Variants in PLEKHA7 observed in about 807,000 individuals in gnomAD.
The protein encoded by PLEKHA7 is pleckstrin homology domain containing A7.
A neutral mutation model predicts 170.0 loss-of-function variants in PLEKHA7; 104 were observed. The observed-to-expected ratio is 0.61, with a 90% CI of 0.52 to 0.72. The LOEUF (loss-of-function observed/expected upper bound fraction) is 0.72. Ranked by LOEUF, PLEKHA7 falls within the 30% of genes least tolerant of loss-of-function variation. The pLI is 0.00. For missense variants in PLEKHA7, 1,615 were observed against 1,671.7 expected, an observed-to-expected ratio of 0.97 and a Z score of 0.59; for synonymous variants, 648 against 660.8, an observed-to-expected ratio of 0.98 and a Z score of 0.30.
intron 3 of PLEKHA7, among the ~76,000 whole-genome samples, chr11:16,902,738 C>T (rs1857418556): frequency 6.6e-6 from 1 of 152,206 alleles, no homozygotes; most frequent in Non-Finnish European, 1.5e-5. Flanking sequence ...CTAGGCAAGT[C>T]ATTTAACTTT....
chr11:16,792,471 G>A (rs1399096694), intron 19 of PLEKHA7, among the ~76,000 whole-genome samples: 1 of 150,360 alleles, frequency 6.7e-6, no homozygotes, highest in African/African-American at 2.4e-5. Context: ...ACACAAAATA[G>A]TATATAGAAT....
At chr11:16,941,826 T>C (rs1357139766) in intron 3 of PLEKHA7, among the ~76,000 whole-genome samples, 1 of 152,154 alleles carries the variant, frequency 6.6e-6, no homozygotes, top group African/African-American at 2.4e-5. Context: ...ATACATAAAG[T>C]AAAGCAGCAT....
intron 3 of PLEKHA7, among the ~76,000 whole-genome samples, chr11:16,971,855 G>A (rs555595204): frequency 1.3e-5 from 2 of 151,302 alleles, no homozygotes; most frequent in East Asian, 1.9e-4. Context: ...ACAGGGCCTC[G>A]CTCTGTCCTC....
intron 13 of PLEKHA7, among the ~76,000 whole-genome samples, chr11:16,806,121 C>T (rs953662159): frequency 5.9e-5 from 9 of 152,150 alleles, no homozygotes; most frequent in South Asian, 4.1e-4. Flanking sequence ...TGAAGAAATT[C>T]GGGCAATGTT....
At chr11:16,871,670 C>T (rs550756420) in intron 3 of PLEKHA7, among the ~76,000 whole-genome samples, 1 of 152,318 alleles carries the variant, frequency 6.6e-6, no homozygotes, top group South Asian at 2.1e-4. Context: ...AATGTCTTCA[C>T]TTCAGTGATG....
In PLEKHA7 at chr11:17,013,979, A is replaced by G. The variant is rs1865499854; in HGVS notation, c.221+10T>C. The G allele has an allele frequency of 6.5e-7, 1 of 1,532,296 alleles. No individual in the cohort carries two copies. The highest frequency in any genetic ancestry group is 2.0e-5 in the Admixed American group (1 of 49,938). The allele number at this position is 1,532,296 out of a possible 1,614,324, so 94.9% of individuals were successfully genotyped here. A position where few individuals can be genotyped will look rare whatever the true frequency, so the allele number is the denominator to read the frequency against. On this transcript the variant is annotated intron_variant, in intron 3 of 26. Transcript: ENST00000531066. ...GCACAGGTGCGAGCGCGGCGGCCCCACTCACTCACTCGATGAAGTAGCTGG... is the reference window on the plus strand; with the variant it reads ...GCACAGGTGCGAGCGCGGCGGCCCCGCTCACTCACTCGATGAAGTAGCTGG...
At position 16,844,220 on chromosome 11, in the gene PLEKHA7, T is replaced by A. The variant is rs544008494; in HGVS notation, c.697-2498A>T. ...TTGTCCAGGAAATCAACATGGGACA[T>A]GCCTCAAACATGCAGACATGGGTTT... On this transcript the variant is annotated intron_variant, in intron 8 of 26. Transcript: ENST00000531066. 3.8e-3 allele frequency among the ~76,000 whole-genome samples: 578 copies of A among 152,322 alleles called. 1 individual carries two copies. Among genetic ancestry groups the A allele is most frequent in the Admixed American group, 7.4e-3 (113 of 15,306 alleles).
intron 3 of PLEKHA7, among the ~76,000 whole-genome samples, chr11:16,907,230 T>C (rs191320975): frequency 0.23 from 21,142 of 90,814 alleles, 1,691 homozygotes; most frequent in East Asian, 0.36. Flanking sequence ...TCCCCCCACC[T>C]GGCCAGCCGC....
chr11:16,794,751 A>G, intron 18 of PLEKHA7, 37 bp from the exon 19 acceptor site: 1 of 1,597,400 alleles, frequency 6.3e-7, no homozygotes, highest in Non-Finnish European at 8.6e-7. Context: ...ACGGGATGGA[A>G]CAAAGACCCC....
chr11:16,936,168 G>A (rs967061490), intron 3 of PLEKHA7, among the ~76,000 whole-genome samples: 3 of 151,978 alleles, frequency 2.0e-5, no homozygotes, highest in Non-Finnish European at 2.9e-5. Context: ...TTGGGAGGCC[G>A]AGGTGGGCGG....
chr11:16,945,381 T>C (rs1860961704), intron 3 of PLEKHA7, among the ~76,000 whole-genome samples: 1 of 152,280 alleles, frequency 6.6e-6, no homozygotes, highest in African/African-American at 2.4e-5. Context: ...GTGTGTTTAC[T>C]GTGTTGGCCT....
At chr11:16,842,963 G>T (rs1182930669) in intron 8 of PLEKHA7, among the ~76,000 whole-genome samples, 1 of 151,820 alleles carries the variant, frequency 6.6e-6, no homozygotes, top group Non-Finnish European at 1.5e-5. Flanking sequence ...ATTCTTCACA[G>T]CACTTACCAT....
At chr11:16,973,844 G>A (rs1215247706) in intron 3 of PLEKHA7, among the ~76,000 whole-genome samples, 1 of 152,044 alleles carries the variant, frequency 6.6e-6, no homozygotes, top group African/African-American at 2.4e-5. Context: ...CTGTTCAGTC[G>A]GGTGACTATC....
At chr11:16,811,795 A>T (rs1003877500) in intron 13 of PLEKHA7, among the ~76,000 whole-genome samples, 4 of 152,212 alleles carry the variant, frequency 2.6e-5, no homozygotes, top group African/African-American at 9.6e-5. Context: ...TAGAGTCAAC[A>T]GCCTGCATGA....
rs181904708 is a variant in PLEKHA7, at chr11:16,981,630, C to T, written c.221+32359G>A. On this transcript the variant is annotated intron_variant, in intron 3 of 26. Transcript: ENST00000531066. Reference sequence around the variant, plus strand: ...CCCCCAAGAGGCTGCTAATAGTAGACGGGGTTGGGGGGCGGGGCGGGGAAG... The same window carrying T: ...CCCCCAAGAGGCTGCTAATAGTAGATGGGGTTGGGGGGCGGGGCGGGGAAG... Among the ~76,000 whole-genome samples the T allele has an allele frequency of 2.0e-5, 3 of 150,934 alleles. No homozygotes were observed. The East Asian group carries it at 6.1e-4, about 30-fold the overall frequency.
At position 16,803,280 on chromosome 11, in the gene PLEKHA7, G is replaced by T; in HGVS notation, c.2023C>A (p.Leu675Ile). ...GGCTTCAGACTTCGATCCTTGAGAA[G>T]GTCCCGGCCTGTCATCTGGGAGGCG... Reference protein sequence around the residue: ...YLDLKMTGRDLLKDRSLKPVK... With the variant: ...YLDLKMTGRDILKDRSLKPVK... The change falls in exon 14 of 27, where the codon CTT (leucine) becomes ATT (isoleucine). Residue 675 changes from leucine to isoleucine, a missense_variant. Leu to Ile is a conservative substitution (Grantham distance 5, BLOSUM62 2). Coordinates refer to ENST00000531066, the MANE Select transcript of PLEKHA7 (RefSeq NM_001329630.2). 1 of 1,613,786 alleles carries T rather than the reference G, an allele frequency of 6.2e-7. No homozygotes were observed.
At position 17,014,117 on chromosome 11, in the gene PLEKHA7, G is replaced by A. The variant is rs113412249; in HGVS notation, c.163+8C>T. The stretch of plus-strand genomic sequence containing the variant: ...CGCGCGCCCCCCACCCGCCGGCCCG[G>A]CGCCCACCTGAGCGGATCATGTGGC... On this transcript the variant is annotated splice_region_variant and intron_variant, in intron 2 of 26. Transcript: ENST00000531066. 6.3e-7 allele frequency: 1 copy of A among 1,598,876 alleles called. No individual in the cohort carries two copies. Among genetic ancestry groups the A allele is most frequent in the Non-Finnish European group, 8.5e-7 (1 of 1,174,126 alleles).
At chr11:16,892,439 G>GTGTGTGTGTGTGTGTGTGT (rs1856705324) in intron 3 of PLEKHA7, among the ~76,000 whole-genome samples, 2 of 97,724 alleles carry the variant, frequency 2.0e-5, no homozygotes, top group Non-Finnish European at 5.3e-5. Flanking sequence ...TGTGTGTTTT[G>GTGTGTGTGTGTGTGTGTGT]TTTTGTTTTG....
At chr11:16,934,784 T>A (rs764743859) in intron 3 of PLEKHA7, among the ~76,000 whole-genome samples, 24 of 152,246 alleles carry the variant, frequency 1.6e-4, no homozygotes, top group Admixed American at 3.3e-4. Flanking sequence ...CAGATTCATG[T>A]AATTAATAAA....
Sources: allele counts gnomAD v4.1 joint callset (sites outside exome capture counted in the v4.1 genomes callset), GRCh38; gene constraint gnomAD v4.1.1; transcripts MANE v1.5; gene names NCBI Gene and HGNC (gene_info 2026-07-23, HGNC 2026-07-21).